HEPACAM2: variants seen among roughly 807,000 people sequenced by gnomAD.
HEPACAM2 encodes mitotic kinetics regulator.
Under a neutral mutation model 49.6 loss-of-function variants are expected in HEPACAM2, and 49 were observed. That is an observed-to-expected ratio of 0.99 (90% CI 0.78 to 1.25). HEPACAM2 has a LOEUF of 1.25. Among genes scored for constraint, HEPACAM2 ranks in the 50% most tolerant of loss-of-function variants. The pLI, the probability that HEPACAM2 is intolerant of heterozygous loss-of-function variation, is 0.00. For synonymous variants in HEPACAM2, 197 were observed against 202.9 expected (o/e 0.97, Z 0.25); for missense variants, 525 against 557.2 (o/e 0.94, Z 0.58).
chr7:93,193,577 A>G (rs1584326114), intron 8 of HEPACAM2, among the ~76,000 whole-genome samples: 2 of 152,260 alleles, frequency 1.3e-5, no homozygotes, highest in South Asian at 4.1e-4. Context: ...CCATTTGTGT[A>G]CATACCACAC....
At position 93,188,716 on chromosome 7, in the gene HEPACAM2, A is replaced by G; in HGVS notation, c.*551T>C. 1 of 288,260 alleles carries G rather than the reference A, an allele frequency of 3.5e-6. No individual in the cohort carries two copies. The highest frequency in any genetic ancestry group is 6.3e-6 in the Non-Finnish European group (1 of 157,650). The allele number at this position is 288,260 out of a possible 1,614,324, so 17.9% of individuals were successfully genotyped here. On this transcript the variant is annotated 3_prime_UTR_variant, in exon 10 of 10. Coordinates refer to ENST00000394468, the MANE Select transcript of HEPACAM2 (RefSeq NM_001039372.4). ...ATACTACTGGTGATTGAAAAAAAAG[A>G]GAAGGCATAGTTTTGTTTTTGTGAC...
chr7:93,192,203 G>T (rs1793566729), intron 9 of HEPACAM2, 51 bp downstream of exon 9: 3 of 1,355,260 alleles, frequency 2.2e-6, no homozygotes, highest in Admixed American at 1.8e-5. Context: ...GAAAGCAAAA[G>T]CTAAATGCTT....
At chr7:93,212,933 T>C (rs1452932218) in intron 3 of HEPACAM2, among the ~76,000 whole-genome samples, 1 of 152,098 alleles carries the variant, frequency 6.6e-6, no homozygotes, top group African/African-American at 2.4e-5. Context: ...TTTACTTTCT[T>C]GCCTTTGGCA....
Position 93,189,969 on chromosome 7 carries a change from T to A in HEPACAM2, c.1386-699A>T, listed in dbSNP as rs540979261. On this transcript the variant is annotated intron_variant, in intron 9 of 9. Transcript: ENST00000394468. The stretch of plus-strand genomic sequence containing the variant: ...ATAATCAGGAAAGAAAAATGCTCTC[T>A]GCATCTATAGGTGGCATTTATTCTA... Among the ~76,000 whole-genome samples the A allele has an allele frequency of 3.9e-5, 6 of 152,138 alleles. No individual in the cohort carries two copies. In the South Asian group the frequency reaches 1.2e-3, roughly 31 times the overall value.
chr7:93,215,420 G>T lies in HEPACAM2; in HGVS notation c.696C>A (p.Ile232=). 1 of 1,613,536 alleles carries T rather than the reference G, an allele frequency of 6.2e-7. No homozygotes were observed. Among genetic ancestry groups the T allele is most frequent in the Admixed American group, 1.7e-5 (1 of 59,946 alleles). ...ACTTACAATATATGATGGGCATAAT[G>T]ATATCACTTTCCATTTCACTGACAG... ...RNPVSEMESD[I]IMPIIYYGPY... is the part of the protein sequence containing the mutation. The change falls in exon 3 of 10, where the codon ATC becomes ATA. Residue 232 remains isoleucine (I), a synonymous_variant. Transcript: ENST00000394468.
chr7:93,227,568 T>C (rs937991352), upstream of HEPACAM2, among the ~76,000 whole-genome samples: 1 of 152,218 alleles, frequency 6.6e-6, no homozygotes, highest in Non-Finnish European at 1.5e-5. Context: ...TGAACTCTTC[T>C]AGAAGGACTT....
In HEPACAM2 at chr7:93,219,177, G is replaced by A. The variant is rs1242610509; in HGVS notation, c.354C>T (p.Gly118=). 6.2e-7 allele frequency: 1 copy of A among 1,613,944 alleles called. No homozygotes were observed. Among genetic ancestry groups the A allele is most frequent in the Non-Finnish European group, 8.5e-7 (1 of 1,179,910 alleles). Residue 118 remains glycine, a synonymous_variant, in exon 2 of 10, where the codon GGC becomes GGT. Coordinates refer to ENST00000394468, the MANE Select transcript of HEPACAM2 (RefSeq NM_001039372.4). ...LINPLQFPDE[G]NYIVKVNIQG... ...GAATGTTGACCTTCACGATGTAATT[G>A]CCTTCATCAGGGAACTGCAGTGGGT...
At chr7:93,207,483 G>A (rs1444781847) in intron 4 of HEPACAM2, among the ~76,000 whole-genome samples, 1 of 151,740 alleles carries the variant, frequency 6.6e-6, no homozygotes, top group African/African-American at 2.4e-5. Context: ...GAAGGGGAGA[G>A]GGAGAAGGAG....
upstream of HEPACAM2, among the ~76,000 whole-genome samples, chr7:93,228,328 T>A (rs1437856694): frequency 1.3e-5 from 2 of 152,244 alleles, no homozygotes; most frequent in Non-Finnish European, 2.9e-5. Flanking sequence ...AAATGCCATA[T>A]GAATCTTACT....
In HEPACAM2 at chr7:93,208,652, C is replaced by T. The variant is rs1433904820; in HGVS notation, c.940G>A (p.Val314Met). Residue 314 changes from valine to methionine, a missense_variant, in exon 4 of 10, where the codon GTG becomes ATG. Transcript: ENST00000394468. Reference protein sequence around the residue: ...EKVAQKTMDYVCCAYNNITGR... With the variant: ...EKVAQKTMDYMCCAYNNITGR... ...GTTATGTTGTTGTAAGCACAGCACA[C>T]ATAGTCCATTGTCTTCTGGGCTACT... 6.2e-7 allele frequency: 1 copy of T among 1,613,080 alleles called. No homozygotes were observed.
In HEPACAM2 at chr7:93,208,914, G is replaced by T. The variant is rs200672256; in HGVS notation, c.716-38C>A. 20 of 1,501,522 alleles carry T rather than the reference G, an allele frequency of 1.3e-5. No homozygotes were observed. In the East Asian group the frequency reaches 4.3e-4, roughly 32 times the overall value. 93.0% of individuals were successfully genotyped at this position (1,501,522 alleles called of 1,614,324 possible). On this transcript the variant is annotated intron_variant, in intron 3 of 9. Coordinates refer to ENST00000394468, the MANE Select transcript of HEPACAM2 (RefSeq NM_001039372.4). ...AAAAAAAAATAGATAAGTAACACAAGTAATCACAACATAGGTTTTGAGTTT... is the reference window on the plus strand; with the variant it reads ...AAAAAAAAATAGATAAGTAACACAATTAATCACAACATAGGTTTTGAGTTT...
chr7:93,212,110 G>A (rs1391855091), intron 3 of HEPACAM2, among the ~76,000 whole-genome samples: 2 of 151,976 alleles, frequency 1.3e-5, no homozygotes, highest in Non-Finnish European at 2.9e-5. Context: ...ATTTCAGAGG[G>A]TAGGTTTAAT....
chr7:93,220,691 C>T (rs1269651745), intron 1 of HEPACAM2, among the ~76,000 whole-genome samples: 1 of 152,202 alleles, frequency 6.6e-6, no homozygotes. Context: ...TAGCCCTGGG[C>T]AGTGCTGGGG....
chr7:93,188,621 C>G lies in HEPACAM2; in HGVS notation c.*646G>C, dbSNP rs1286040536. ...AACAGAATAATTTATTTGAATCCAT[C>G]TTTCCTTGAAAAAAATAAAAATAAG... is the stretch of plus-strand genomic sequence containing the variant. On this transcript the variant is annotated 3_prime_UTR_variant, in exon 10 of 10. Coordinates refer to ENST00000394468, the MANE Select transcript of HEPACAM2 (RefSeq NM_001039372.4). 2 of 158,718 alleles carry G rather than the reference C, an allele frequency of 1.3e-5. No individual in the cohort carries two copies. The highest frequency in any genetic ancestry group is 3.6e-4 in the East Asian group (2 of 5,568). 9.8% of individuals were successfully genotyped at this position (158,718 alleles called of 1,614,324 possible). A position where few individuals can be genotyped will look rare whatever the true frequency, so the allele number is the denominator to read the frequency against.
chr7:93,195,113 T>A (rs956067757), intron 8 of HEPACAM2, among the ~76,000 whole-genome samples: 1 of 151,950 alleles, frequency 6.6e-6, no homozygotes, highest in Non-Finnish European at 1.5e-5. Context: ...TCAAAAGATA[T>A]GAGGGGGCAA....
intron 3 of HEPACAM2, among the ~76,000 whole-genome samples, chr7:93,211,490 C>T (rs1205091048): frequency 2.0e-5 from 3 of 151,974 alleles, no homozygotes; most frequent in African/African-American, 4.8e-5. Context: ...TTCCACTAAA[C>T]AGTAAGTAGT....
At chr7:93,225,662 G>T (rs187479016) in intron 1 of HEPACAM2, among the ~76,000 whole-genome samples, 1 of 152,228 alleles carries the variant, frequency 6.6e-6, no homozygotes, top group African/African-American at 2.4e-5. Flanking sequence ...AACATCTGGT[G>T]AAAATAATGT....
intron 4 of HEPACAM2, among the ~76,000 whole-genome samples, chr7:93,207,765 T>C (rs570044908): frequency 1.9e-4 from 29 of 152,012 alleles, no homozygotes; most frequent in Middle Eastern, 6.8e-3. Flanking sequence ...CAGACCTGTA[T>C]GGTGCTTCTG....
chr7:93,203,727 C>A (rs1584337961), intron 4 of HEPACAM2, among the ~76,000 whole-genome samples: 1 of 152,132 alleles, frequency 6.6e-6, no homozygotes, highest in East Asian at 1.9e-4. Context: ...CTGTTTGAGA[C>A]TGCACTCAGT....
Sources: gnomAD v4.1 joint callset for allele counts (sites outside exome capture counted in the v4.1 genomes callset) on GRCh38, gnomAD v4.1.1 for gene constraint, MANE v1.5 for transcripts, NCBI Gene and HGNC (gene_info 2026-07-23, HGNC 2026-07-21) for gene names.